The following PDZRN4 variants were observed in gnomAD, a reference collection of about 807,000 sequenced individuals.
PDZRN4 encodes PDZ domain-containing RING finger protein 4.
PDZRN4 carries 70 observed loss-of-function variants against 99.0 expected under a neutral mutation model. The observed-to-expected ratio is 0.71, with a 90% confidence interval of 0.58 to 0.86. PDZRN4 has a LOEUF of 0.86. PDZRN4 is among the 40% of genes least tolerant of loss of function. The pLI, the probability that PDZRN4 is intolerant of heterozygous loss-of-function variation, is 0.00. For missense variants in PDZRN4, 1,474 were observed against 1,331.2 expected (o/e 1.11, Z -1.67); for synonymous variants, 551 against 501.6 (o/e 1.10, Z -1.32).
intron 3 of PDZRN4, among the ~76,000 whole-genome samples, chr12:41,322,877 C>CA (rs1275178530): frequency 9.4e-5 from 13 of 137,908 alleles, no homozygotes; most frequent in African/African-American, 4.6e-4. Context: ...TTCCTTTTTT[C>CA]TTTTTTTTCT....
rs1271587002 is a variant in PDZRN4, at chr12:41,317,811, T to C, written c.843+123623T>C. ...CTCCACCTGCACACACTGGGAGAAT[T>C]GAACACATTAACATCAGGGTAGTAA... is the stretch of plus-strand genomic sequence containing the variant. On this transcript the variant is annotated intron_variant, in intron 3 of 9. Transcript: ENST00000402685. Among the ~76,000 whole-genome samples, 3 of 152,138 alleles carry C rather than the reference T, an allele frequency of 2.0e-5. No individual in the cohort carries two copies. The East Asian group carries it at 5.8e-4, about 29-fold the overall frequency.
intron 3 of PDZRN4, among the ~76,000 whole-genome samples, chr12:41,355,743 G>T (rs1951923156): frequency 6.6e-6 from 1 of 152,000 alleles, no homozygotes; most frequent in Non-Finnish European, 1.5e-5. Flanking sequence ...AAGTATTAGT[G>T]TCTCCAAGTT....
At chr12:41,376,966 A>C (rs753112975) in intron 3 of PDZRN4, among the ~76,000 whole-genome samples, 6 of 152,188 alleles carry the variant, frequency 3.9e-5, no homozygotes, top group Non-Finnish European at 7.4e-5. Flanking sequence ...TTTTTCCAAC[A>C]CCATTTGTTG....
chr12:41,383,014 G>GTATT (rs1323648526), intron 3 of PDZRN4, among the ~76,000 whole-genome samples: 1 of 152,100 alleles, frequency 6.6e-6, no homozygotes, highest in East Asian at 1.9e-4. Flanking sequence ...TGAACACAAT[G>GTATT]TATTTATTTA....
chr12:41,381,818 A>C (rs1024531858), intron 3 of PDZRN4, among the ~76,000 whole-genome samples: 1 of 152,254 alleles, frequency 6.6e-6, no homozygotes, highest in South Asian at 2.1e-4. Flanking sequence ...GTATGCGTAC[A>C]TTTGAGGAAA....
chr12:41,266,667 T>C (rs894129928), intron 3 of PDZRN4, among the ~76,000 whole-genome samples: 2 of 152,240 alleles, frequency 1.3e-5, no homozygotes, highest in Non-Finnish European at 2.9e-5. Context: ...TTCTAACATT[T>C]TAGCTTTTTA....
At chr12:41,561,607 G>A (rs949822516) in intron 7 of PDZRN4, among the ~76,000 whole-genome samples, 3 of 115,810 alleles carry the variant, frequency 2.6e-5, no homozygotes, top group Non-Finnish European at 5.2e-5. Context: ...TATATATAAA[G>A]ACTATATATA....
intron 7 of PDZRN4, 78 bp from the exon 8 acceptor site, chr12:41,563,470 A>G: frequency 9.8e-7 from 1 of 1,020,916 alleles, no homozygotes; most frequent in Non-Finnish European, 1.5e-6. Context: ...TTTACCATAA[A>G]TGAGCTGATA....
intron 7 of PDZRN4, among the ~76,000 whole-genome samples, chr12:41,559,913 C>T (rs1939238746): frequency 6.6e-6 from 1 of 152,096 alleles, no homozygotes; most frequent in Admixed American, 6.6e-5. Context: ...CTCATTCTCT[C>T]TCCTGCCACC....
rs1387459627 is a variant in PDZRN4 at position 41,188,754 on chromosome 12, A to C, written c.299A>C (p.His100Pro). The C allele has an allele frequency of 6.8e-6, 10 of 1,473,038 alleles. No individual in the cohort carries two copies. Among genetic ancestry groups the C allele is most frequent in the Non-Finnish European group, 8.0e-6 (9 of 1,120,906 alleles). The allele number at this position is 1,473,038 out of a possible 1,614,324, so 91.2% of individuals were successfully genotyped here. The change falls in exon 1 of 10, where the codon CAC (histidine) becomes CCC (proline). Residue 100 changes from histidine (H) to proline (P), a missense_variant. Physicochemically the swap from His to Pro is moderately conservative, Grantham distance 77. Coordinates refer to ENST00000402685, the MANE Select transcript of PDZRN4 (RefSeq NM_001164595.2). ...HSVRLHELEAHVEHCDFGPAR... is the reference protein window; with the variant it reads ...HSVRLHELEAPVEHCDFGPAR... ...GTCAGGCTGCACGAGCTGGAGGCGC[A>C]CGTCGAGCACTGCGACTTCGGCCCT... is the stretch of plus-strand genomic sequence containing the variant.
At chr12:41,277,236 G>T (rs761984836) in intron 3 of PDZRN4, among the ~76,000 whole-genome samples, 5 of 152,142 alleles carry the variant, frequency 3.3e-5, no homozygotes, top group African/African-American at 4.8e-5. Flanking sequence ...GGCAGAGTAC[G>T]CAAGCATCTG....
intron 3 of PDZRN4, among the ~76,000 whole-genome samples, chr12:41,475,005 T>A (rs1953026882): frequency 1.3e-5 from 2 of 152,196 alleles, no homozygotes; most frequent in Non-Finnish European, 2.9e-5. Flanking sequence ...TTACTGGACA[T>A]AGATACCTGA....
intron 3 of PDZRN4, among the ~76,000 whole-genome samples, chr12:41,323,145 C>G (rs1020321849): frequency 1.3e-5 from 2 of 152,114 alleles, no homozygotes; most frequent in Non-Finnish European, 2.9e-5. Context: ...TTACGCCCAG[C>G]AGGATAAAGT....
chr12:41,282,761 C>G (rs987434993), intron 3 of PDZRN4, among the ~76,000 whole-genome samples: 3 of 152,088 alleles, frequency 2.0e-5, no homozygotes, highest in Non-Finnish European at 4.4e-5. Flanking sequence ...ACAACCTGCT[C>G]CTGAATGACT....
intron 3 of PDZRN4, among the ~76,000 whole-genome samples, chr12:41,209,652 C>T (rs1950875314): frequency 6.6e-6 from 1 of 151,112 alleles, no homozygotes; most frequent in African/African-American, 2.4e-5. Flanking sequence ...CAGCTTCATC[C>T]ATGTCCCTAC....
chr12:41,338,101 T>A (rs548586871), intron 3 of PDZRN4, among the ~76,000 whole-genome samples: 1 of 152,204 alleles, frequency 6.6e-6, no homozygotes, highest in African/African-American at 2.4e-5. Context: ...ATGGTCTAGA[T>A]GACTATTTAT....
chr12:41,346,627 G>T (rs905576430), intron 3 of PDZRN4, among the ~76,000 whole-genome samples: 1 of 151,900 alleles, frequency 6.6e-6, no homozygotes. Context: ...TATCAGTATT[G>T]CTGTATTTAT....
intron 3 of PDZRN4, among the ~76,000 whole-genome samples, chr12:41,460,802 T>C (rs1952865499): frequency 6.6e-6 from 1 of 152,194 alleles, no homozygotes; most frequent in Non-Finnish European, 1.5e-5. Flanking sequence ...AGTTATGTCT[T>C]GCTGTAAAAT....
intron 3 of PDZRN4, among the ~76,000 whole-genome samples, chr12:41,457,096 A>G (rs1439079394): frequency 1.3e-5 from 2 of 152,106 alleles, no homozygotes; most frequent in Admixed American, 6.6e-5. Context: ...TCCTTACTAG[A>G]TCTCTGACTA....
Sources: allele counts gnomAD v4.1 joint callset (sites outside exome capture counted in the v4.1 genomes callset), GRCh38; gene constraint gnomAD v4.1.1; transcripts MANE v1.5; gene names NCBI Gene and HGNC (gene_info 2026-07-23, HGNC 2026-07-21).